AHCYL2: variants seen among roughly 807,000 people sequenced by gnomAD.
AHCYL2 encodes S-adenosylhomocysteine hydrolase-like protein 2.
AHCYL2 carries 28 observed loss-of-function variants against 81.4 expected under a neutral mutation model. The observed-to-expected ratio is 0.34, with a 90% CI of 0.25 to 0.47. The LOEUF is 0.47. Among genes scored for constraint, AHCYL2 ranks in the 20% least tolerant of loss-of-function variants. AHCYL2 has a pLI of 1.00. For missense variants in AHCYL2, 551 were observed against 785.1 expected, an observed-to-expected ratio of 0.70 and a Z score of 3.56; for synonymous variants, 272 against 290.2, an observed-to-expected ratio of 0.94 and a Z score of 0.64.
At chr7:129,326,203 T>C (rs1238130418) in intron 1 of AHCYL2, among the ~76,000 whole-genome samples, 3 of 152,160 alleles carry the variant, frequency 2.0e-5, no homozygotes, top group African/African-American at 7.2e-5. Context: ...TGCAAAATGC[T>C]GTCCATATAT....
intron 1 of AHCYL2, among the ~76,000 whole-genome samples, chr7:129,308,064 G>A (rs1396791496): frequency 6.6e-6 from 1 of 151,856 alleles, no homozygotes; most frequent in Admixed American, 6.6e-5. Context: ...GTTGAGGGAG[G>A]GGTGACGCAA....
Position 129,312,958 on chromosome 7 carries a change from T to C in AHCYL2, c.364-66680T>C, listed in dbSNP as rs561480786. On this transcript the variant is annotated intron_variant, in intron 1 of 16. Transcript: ENST00000325006. ...CCTGACCCTCTTCACCAATCCCTGC[T>C]TCTGCACTTGCTACTTTTTACCCTG... Among the ~76,000 whole-genome samples the C allele has an allele frequency of 1.6e-3, 243 of 152,334 alleles. 3 individuals are homozygous for C. Among genetic ancestry groups the C allele is most frequent in the African/African-American group, 5.3e-3 (220 of 41,576 alleles).
At chr7:129,319,549 A>G (rs1797942369) in intron 1 of AHCYL2, among the ~76,000 whole-genome samples, 1 of 152,236 alleles carries the variant, frequency 6.6e-6, no homozygotes, top group Non-Finnish European at 1.5e-5. Flanking sequence ...GTCTCAGATT[A>G]GCAAGTACCT....
intron 1 of AHCYL2, among the ~76,000 whole-genome samples, chr7:129,321,761 TTTTG>T: frequency 7.0e-6 from 1 of 143,054 alleles, no homozygotes; most frequent in African/African-American, 2.6e-5. Context: ...TTTTTTTTTT[TTTTG>T]GTCTTGGTTT....
At chr7:129,420,331 T>C (rs1363576109) in intron 12 of AHCYL2, among the ~76,000 whole-genome samples, 1 of 152,190 alleles carries the variant, frequency 6.6e-6, no homozygotes, top group Non-Finnish European at 1.5e-5. Flanking sequence ...TTTAAACTCC[T>C]GTCATCTCAA....
At position 129,368,377 on chromosome 7, in the gene AHCYL2, A is replaced by C. The variant is rs578163532; in HGVS notation, c.364-11261A>C. The C allele has an allele frequency of 3.2e-6, 5 of 1,547,280 alleles. No individual in the cohort carries two copies. The highest frequency in any genetic ancestry group is 1.2e-5 in the South Asian group (1 of 80,784). On this transcript the variant is annotated intron_variant, in intron 1 of 16. Transcript: ENST00000325006. The surrounding 1 kb of genome is among the most constrained non-coding windows in gnomAD (Gnocchi z 4.4). Reference sequence around the variant, plus strand: ...AAAAGGGATGCAGCTTCTGCTAGCCACTGTGAACTTCTGAATCTCACTAGG... The same window carrying C: ...AAAAGGGATGCAGCTTCTGCTAGCCCCTGTGAACTTCTGAATCTCACTAGG...
intron 1 of AHCYL2, among the ~76,000 whole-genome samples, chr7:129,313,902 G>A (rs1395857229): frequency 1.3e-5 from 2 of 152,254 alleles, no homozygotes; most frequent in African/African-American, 4.8e-5. Flanking sequence ...ATTAATGGCA[G>A]ATTTGATAAA....
At chr7:129,355,585 A>C (rs1429431636) in intron 1 of AHCYL2, among the ~76,000 whole-genome samples, 1 of 152,194 alleles carries the variant, frequency 6.6e-6, no homozygotes, top group African/African-American at 2.4e-5. Context: ...AATAAGAATC[A>C]ATGTATTTTA....
In AHCYL2 at chr7:129,368,158, C is replaced by A; in HGVS notation, c.364-11480C>A. The stretch of plus-strand genomic sequence containing the variant: ...GTCCAACTATTGCTGCAGAAAGTCC[C>A]CACTGGGGAGGTGCGGGTAGAGTGT... On this transcript the variant is annotated intron_variant, in intron 1 of 16. Transcript: ENST00000325006. This position sits in a 1 kb window ranked among gnomAD's most constrained non-coding sequence, Gnocchi z 4.4. 9.2e-7 allele frequency: 1 copy of A among 1,087,458 alleles called. No homozygotes were observed. Among genetic ancestry groups the A allele is most frequent in the Non-Finnish European group, 1.1e-6 (1 of 894,646 alleles). 67.4% of individuals were successfully genotyped at this position (1,087,458 alleles called of 1,614,324 possible).
chr7:129,424,763 AGT>A (rs1797280679), intron 13 of AHCYL2, 109 bp from the exon 14 acceptor site: 6 of 1,092,118 alleles, frequency 5.5e-6, no homozygotes, highest in Non-Finnish European at 7.0e-6. Flanking sequence ...TTTTTCCAGC[AGT>A]GTTAGTCAGG....
At chr7:129,345,879 G>GT (rs1334484589) in intron 1 of AHCYL2, among the ~76,000 whole-genome samples, 2 of 152,126 alleles carry the variant, frequency 1.3e-5, no homozygotes, top group Admixed American at 1.3e-4. Flanking sequence ...GGAAGAGCAG[G>GT]TTTGGGGGGG....
At chr7:129,229,927 G>A (rs1293556050) in intron 1 of AHCYL2, among the ~76,000 whole-genome samples, 1 of 152,052 alleles carries the variant, frequency 6.6e-6, no homozygotes, top group Non-Finnish European at 1.5e-5. Flanking sequence ...CTTTCTTCCT[G>A]TTCAGCTAAC....
chr7:129,413,698 A>C lies in AHCYL2; in HGVS notation c.1461+10A>C, dbSNP rs756911969. On this transcript the variant is annotated intron_variant, in intron 12 of 16. Coordinates refer to ENST00000325006, the MANE Select transcript of AHCYL2 (RefSeq NM_015328.4). ...CACAGAGATTGACGTGGTAAGATCAAGTAGCTCATTATTGGGGGCTTTTTT... is the reference window on the plus strand; with the variant it reads ...CACAGAGATTGACGTGGTAAGATCACGTAGCTCATTATTGGGGGCTTTTTT... 3.1e-6 allele frequency: 5 copies of C among 1,611,850 alleles called. No homozygotes were observed.
intron 1 of AHCYL2, among the ~76,000 whole-genome samples, chr7:129,235,527 A>G (rs1013284176): frequency 1.3e-5 from 2 of 152,016 alleles, no homozygotes; most frequent in African/African-American, 2.4e-5. Flanking sequence ...GGCTCAAGCA[A>G]TCCTCCCACC....
intron 1 of AHCYL2, among the ~76,000 whole-genome samples, chr7:129,359,098 A>G (rs1793844291): frequency 6.6e-6 from 1 of 152,210 alleles, no homozygotes. Flanking sequence ...AGCTGAAAAC[A>G]ACCAAAAAGC....
intron 1 of AHCYL2, among the ~76,000 whole-genome samples, chr7:129,366,524 G>A (rs766769679): frequency 2.3e-4 from 35 of 152,180 alleles, no homozygotes; most frequent in Non-Finnish European, 4.3e-4. Context: ...GCTCATGCCT[G>A]TAGTCCCAGC....
At chr7:129,264,056 C>G (rs923493797) in intron 1 of AHCYL2, among the ~76,000 whole-genome samples, 1 of 152,184 alleles carries the variant, frequency 6.6e-6, no homozygotes, top group African/African-American at 2.4e-5. Context: ...GAGTCATGCT[C>G]TGTCGCCTAG....
At chr7:129,233,261 T>G (rs185445901) in intron 1 of AHCYL2, among the ~76,000 whole-genome samples, 16 of 152,266 alleles carry the variant, frequency 1.1e-4, no homozygotes, top group African/African-American at 3.6e-4. Context: ...CACAGCTCAC[T>G]GTAGCCTCAA....
chr7:129,426,695 C>T lies in AHCYL2; in HGVS notation c.1829+132C>T. Reference sequence around the variant, plus strand: ...AAATGAACCCACTTCCCCTCACTGCCACCTTCAAAAGACTCTTCAAGGCCT... The same window carrying T: ...AAATGAACCCACTTCCCCTCACTGCTACCTTCAAAAGACTCTTCAAGGCCT... On this transcript the variant is annotated intron_variant, in intron 16 of 16. Transcript: ENST00000325006. This position sits in a 1 kb window ranked among gnomAD's most constrained non-coding sequence, Gnocchi z 4.3. The T allele has an allele frequency of 7.7e-7, 1 of 1,302,170 alleles. No homozygotes were observed. The highest frequency in any genetic ancestry group is 1.5e-5 in the South Asian group (1 of 64,746). The allele number at this position is 1,302,170 out of a possible 1,614,324, so 80.7% of individuals were successfully genotyped here.
Sources: gnomAD v4.1 joint callset for allele counts (sites outside exome capture counted in the v4.1 genomes callset) on GRCh38, gnomAD v4.1.1 for gene constraint, Gnocchi (gnomAD v3.1) non-coding constraint, MANE v1.5 for transcripts, NCBI Gene and HGNC (gene_info 2026-07-23, HGNC 2026-07-21) for gene names.